The following ZNF264 variants were observed in gnomAD, a reference collection of about 807,000 sequenced individuals.
ZNF264 encodes zinc finger protein 264.
ZNF264 carries 11 observed loss-of-function variants against 11.2 expected under a neutral mutation model. The observed-to-expected ratio is 0.98, with a 90% CI of 0.62 to 1.63. The LOEUF is 1.63. Ranked by LOEUF, ZNF264 falls within the 40% of genes most tolerant of loss-of-function variation. ZNF264 has a pLI of 0.00. For synonymous variants in ZNF264, 309 were observed against 279.8 expected, an observed-to-expected ratio of 1.10 and a Z score of -1.04; for missense variants, 752 against 768.1, an observed-to-expected ratio of 0.98 and a Z score of 0.25.
intron 2 of ZNF264, among the ~76,000 whole-genome samples, chr19:57,195,421 A>G (rs1226451112): frequency 6.6e-6 from 1 of 152,248 alleles, no homozygotes; most frequent in Non-Finnish European, 1.5e-5. Context: ...ACTTGGTCGT[A>G]GTTGGTATTA....
At chr19:57,192,376 G>A in intron 1 of ZNF264, 1 of 985,324 alleles carries the variant, frequency 1.0e-6, no homozygotes. Context: ...AGACGTGGAG[G>A]GCAACAGTGT....
Position 57,197,542 on chromosome 19 carries a change from C to T in ZNF264, c.160+3541C>T, listed in dbSNP as rs188430585. ...TCAAGCACCATTGGATCTGCTGGGTCTTAGGGGCCAAGTGGCAGAGCAGCT... is the reference window on the plus strand; with the variant it reads ...TCAAGCACCATTGGATCTGCTGGGTTTTAGGGGCCAAGTGGCAGAGCAGCT... On this transcript the variant is annotated intron_variant, in intron 2 of 3. Transcript: ENST00000263095. Among the ~76,000 whole-genome samples the T allele has an allele frequency of 4.8e-3, 728 of 152,038 alleles. 18 individuals carry two copies. Among genetic ancestry groups the T allele is most frequent in the African/African-American group, 0.017 (704 of 41,306 alleles).
rs760906437 is a variant in ZNF264 at position 57,212,233 on chromosome 19, T to C, written c.1136T>C (p.Val379Ala). ...KPYECSECGK[V>A]FLESAALIHH... ...TATGAGTGCAGTGAATGTGGGAAGG[T>C]CTTCTTGGAGAGTGCAGCCCTGATT... Residue 379 changes from valine to alanine, a missense_variant, in exon 4 of 4, where the codon GTC becomes GCC. Coordinates refer to ENST00000263095, the MANE Select transcript of ZNF264 (RefSeq NM_003417.5). The C allele has an allele frequency of 1.9e-6, 3 of 1,612,250 alleles. No individual in the cohort carries two copies. Among genetic ancestry groups the C allele is most frequent in the South Asian group, 1.1e-5 (1 of 90,986 alleles).
rs1355778352 is a variant in ZNF264 at position 57,221,071 on chromosome 19, G to C, written c.*8090G>C. The C allele has an allele frequency of 6.6e-6, 1 of 152,146 alleles. No homozygotes were observed. The highest frequency in any genetic ancestry group is 2.4e-5 in the African/African-American group (1 of 41,312). 9.4% of individuals were successfully genotyped at this position (152,146 alleles called of 1,614,324 possible). ...GGCTTTTTTTGTTTGTTTGTTTTGA[G>C]ATGGAGTCTCACTCTGTCACCCATG... On this transcript the variant is annotated 3_prime_UTR_variant, in exon 4 of 4. Transcript: ENST00000263095.
chr19:57,191,746 A>G lies in ZNF264; in HGVS notation c.-168A>G. 1 of 450,756 alleles carries G rather than the reference A, an allele frequency of 2.2e-6. No individual in the cohort carries two copies. The allele number at this position is 450,756 out of a possible 1,614,324, so 27.9% of individuals were successfully genotyped here. ...GCCCTGGGTCTGGAACGCGGTTGCCACCGAGGAGGCGGCGGCCCTGCGTCT... is the reference window on the plus strand; with the variant it reads ...GCCCTGGGTCTGGAACGCGGTTGCCGCCGAGGAGGCGGCGGCCCTGCGTCT... On this transcript the variant is annotated 5_prime_UTR_variant, in exon 1 of 4. Transcript: ENST00000263095.
intron 2 of ZNF264, among the ~76,000 whole-genome samples, chr19:57,204,439 G>A (rs771709313): frequency 2.6e-5 from 4 of 152,106 alleles, no homozygotes; most frequent in Non-Finnish European, 4.4e-5. Flanking sequence ...TCATGGGGAC[G>A]GGTTTTTCCC....
Position 57,213,432 on chromosome 19 carries a change from A to T in ZNF264, c.*451A>T, listed in dbSNP as rs1448227782. 6.3e-6 allele frequency: 1 copy of T among 157,832 alleles called. No homozygotes were observed. Among genetic ancestry groups the T allele is most frequent in the African/African-American group, 2.4e-5 (1 of 41,476 alleles). 9.8% of individuals were successfully genotyped at this position (157,832 alleles called of 1,614,324 possible). On this transcript the variant is annotated 3_prime_UTR_variant, in exon 4 of 4. Coordinates refer to ENST00000263095, the MANE Select transcript of ZNF264 (RefSeq NM_003417.5). ...TTCCACAATAGTACTTACTCTTGAGAAGCATAACTTTATGACAACTTAGGG... is the reference window on the plus strand; with the variant it reads ...TTCCACAATAGTACTTACTCTTGAGTAGCATAACTTTATGACAACTTAGGG...
Position 57,211,440 on chromosome 19 carries a change from C to T in ZNF264, c.343C>T (p.Gln115Ter). ...EGISLQGQVT[Q>*]GNSVDSQLGQ... ...AATCTCACTTCAGGGACAAGTGACA[C>T]AAGGAAACTCAGTGGACTCACAGTT... The change falls in exon 4 of 4, where the codon CAA becomes TAA. Residue 115 changes from glutamine (Q) to a stop codon, truncating the protein, a stop_gained. Coordinates refer to ENST00000263095, the MANE Select transcript of ZNF264 (RefSeq NM_003417.5). LOFTEE classifies it low-confidence loss of function (END_TRUNC). 4 of 1,614,146 alleles carry T rather than the reference C, an allele frequency of 2.5e-6. No individual in the cohort carries two copies. The highest frequency in any genetic ancestry group is 2.2e-5 in the East Asian group (1 of 44,878).
chr19:57,192,029 C>A (rs192744643), intron 1 of ZNF264, 83 bp downstream of exon 1: 2 of 1,297,466 alleles, frequency 1.5e-6, no homozygotes, highest in African/African-American at 1.5e-5. Context: ...CCAGGTATCC[C>A]CTGGATTTGT....
In ZNF264 at chr19:57,211,881, A is replaced by T; in HGVS notation, c.784A>T (p.Met262Leu). The T allele has an allele frequency of 6.2e-7, 1 of 1,614,042 alleles. No homozygotes were observed. ...IHTGERPYEC[M>L]ECGKAFNRKS... ...CACTGGGGAGAGGCCCTATGAGTGC[A>T]TGGAGTGTGGAAAGGCCTTCAACCG... Residue 262 changes from methionine (M) to leucine (L), a missense_variant, in exon 4 of 4, where the codon ATG (methionine) becomes TTG (leucine). Coordinates refer to ENST00000263095, the MANE Select transcript of ZNF264 (RefSeq NM_003417.5).
intron 2 of ZNF264, among the ~76,000 whole-genome samples, chr19:57,198,302 C>T (rs1007009321): frequency 3.3e-5 from 5 of 152,002 alleles, no homozygotes; most frequent in African/African-American, 4.9e-5. Flanking sequence ...CTGTCTTCTG[C>T]TCAGGCCAGA....
chr19:57,200,560 C>T lies in ZNF264; in HGVS notation c.161-4837C>T, dbSNP rs577218447. Reference sequence around the variant, plus strand: ...GTCTCTTGTCTCTTGTGTCTTGTGTCTTGTCTTGTCTTGTCTTGTCTTGTC... The same window carrying T: ...GTCTCTTGTCTCTTGTGTCTTGTGTTTTGTCTTGTCTTGTCTTGTCTTGTC... On this transcript the variant is annotated intron_variant, in intron 2 of 3. Transcript: ENST00000263095. 1.2e-4 allele frequency among the ~76,000 whole-genome samples: 11 copies of T among 93,684 alleles called. No individual in the cohort carries two copies. The East Asian group carries it at 2.6e-3, about 22-fold the overall frequency. The allele number at this position is 93,684 out of a possible 152,430, so 61.5% of individuals were successfully genotyped here. A position where few individuals can be genotyped will look rare whatever the true frequency, so the allele number is the denominator to read the frequency against.
intron 1 of ZNF264, chr19:57,192,670 G>A: frequency 1.6e-6 from 1 of 617,536 alleles, no homozygotes; most frequent in Non-Finnish European, 2.0e-6. Context: ...AGTAGATGCA[G>A]CCCTTCCAGT....
At chr19:57,200,326 C>G (rs1359959921) in intron 2 of ZNF264, among the ~76,000 whole-genome samples, 10 of 151,650 alleles carry the variant, frequency 6.6e-5, no homozygotes, top group Admixed American at 6.6e-4. Flanking sequence ...CTCTGATGAA[C>G]CTTTTTTGCC....
Position 57,212,422 on chromosome 19 carries a change from T to C in ZNF264, c.1325T>C (p.Phe442Ser), listed in dbSNP as rs1431012704. 4.3e-6 allele frequency: 7 copies of C among 1,614,012 alleles called. No homozygotes were observed. In the Admixed American group the frequency reaches 5.0e-5, roughly 12 times the overall value. ...CGKAFTHCST[F>S]ILHKRAHTGE... ...AAGGCCTTCACCCACTGCTCTACTTTTATCTTGCATAAAAGGGCCCACACT... is the reference window on the plus strand; with the variant it reads ...AAGGCCTTCACCCACTGCTCTACTTCTATCTTGCATAAAAGGGCCCACACT... The change falls in exon 4 of 4, where the codon TTT becomes TCT. Residue 442 changes from phenylalanine to serine, a missense_variant. Coordinates refer to ENST00000263095, the MANE Select transcript of ZNF264 (RefSeq NM_003417.5).
rs999935865 is a variant in ZNF264 at position 57,214,883 on chromosome 19, C to A, written c.*1902C>A. On this transcript the variant is annotated 3_prime_UTR_variant, in exon 4 of 4. Transcript: ENST00000263095. The stretch of plus-strand genomic sequence containing the variant: ...GATCAAGTTTTGAATATTGAGCCAG[C>A]CTTGCATCCTTAGAATAAACCATAC... 6.6e-6 allele frequency: 1 copy of A among 152,122 alleles called. No individual in the cohort carries two copies. Among genetic ancestry groups the A allele is most frequent in the Non-Finnish European group, 1.5e-5 (1 of 68,026 alleles). The allele number at this position is 152,122 out of a possible 1,614,324, so 9.4% of individuals were successfully genotyped here.
Position 57,212,614 on chromosome 19 carries a change from G to A in ZNF264, c.1517G>A (p.Ser506Asn), listed in dbSNP as rs114987579. ...SGLTRHKRIH[S>N]GEKPYECVEC... ...CTCACGAGGCACAAGCGGATTCATA[G>A]TGGAGAGAAGCCCTATGAATGTGTT... Residue 506 changes from serine to asparagine, a missense_variant, in exon 4 of 4, where the codon AGT becomes AAT. Transcript: ENST00000263095. 39 of 1,613,726 alleles carry A rather than the reference G, an allele frequency of 2.4e-5. No individual in the cohort carries two copies. The East Asian group carries it at 8.3e-4, about 34-fold the overall frequency.
intron 3 of ZNF264, among the ~76,000 whole-genome samples, chr19:57,205,945 C>T (rs777518772): frequency 2.0e-5 from 3 of 152,200 alleles, no homozygotes; most frequent in Non-Finnish European, 4.4e-5. Flanking sequence ...TGTGGGTCAG[C>T]GAGGAGCTCT....
intron 2 of ZNF264, among the ~76,000 whole-genome samples, chr19:57,197,033 A>G (rs771291357): frequency 1.3e-5 from 2 of 151,928 alleles, no homozygotes; most frequent in Non-Finnish European, 2.9e-5. Context: ...ATCCACTTTC[A>G]GGTGGTTCCT....
Sources: allele counts gnomAD v4.1 joint callset (sites outside exome capture counted in the v4.1 genomes callset), GRCh38; gene constraint gnomAD v4.1.1; transcripts MANE v1.5; gene names NCBI Gene and HGNC (gene_info 2026-07-23, HGNC 2026-07-21).